The following JAKMIP1 variants were observed in gnomAD, a reference collection of about 807,000 sequenced individuals.
JAKMIP1 encodes janus kinase and microtubule-interacting protein 1.
In JAKMIP1, 33 loss-of-function variants were observed where a neutral mutation model predicts 113.0. The observed-to-expected ratio is 0.29, with a 90% CI of 0.22 to 0.39. The LOEUF is 0.39. Among genes scored for constraint, JAKMIP1 ranks in the 10% least tolerant of loss-of-function variants. The pLI is 1.00. For synonymous variants in JAKMIP1, 480 were observed against 459.9 expected (o/e 1.04, Z -0.56); for missense variants, 813 against 1,080.5 (o/e 0.75, Z 3.47).
chr4:6,183,478 C>CAATCAATAAATAAATAAATAAATA lies in JAKMIP1; in HGVS notation c.-148+16774_-148+16775insTATTTATTTATTTATTTATTGATT, dbSNP rs1553864667. 7.9e-6 allele frequency among the ~76,000 whole-genome samples: 1 copy of CAATCAATAAATAAATAAATAAATA among 126,672 alleles called. No individual in the cohort carries two copies. The highest frequency in any genetic ancestry group is 1.6e-5 in the Non-Finnish European group (1 of 60,864). 83.1% of individuals were successfully genotyped at this position (126,672 alleles called of 152,430 possible). A position where few individuals can be genotyped will look rare whatever the true frequency, so the allele number is the denominator to read the frequency against. ...TGGGTGACAGAGCAAGACTCTGTCTCAATAAATAAATAAATAAATAAATAA... is the reference window on the plus strand; with the variant it reads ...TGGGTGACAGAGCAAGACTCTGTCTCAATCAATAAATAAATAAATAAATAAATAAATAAATAAATAAATAAATAA... On this transcript the variant is annotated intron_variant, in intron 1 of 20. Transcript: ENST00000409021. The surrounding 1 kb of genome is among the most constrained non-coding windows in gnomAD (Gnocchi z 5.3).
intron 1 of JAKMIP1, among the ~76,000 whole-genome samples, chr4:6,149,868 C>T (rs898608186): frequency 2.0e-5 from 3 of 152,040 alleles, no homozygotes; most frequent in Non-Finnish European, 4.4e-5. Context: ...AGAAGGCTGC[C>T]CCAGTGACCT....
intron 1 of JAKMIP1, among the ~76,000 whole-genome samples, chr4:6,173,856 G>A (rs116589620): frequency 0.011 from 1,628 of 152,134 alleles, 33 homozygotes; most frequent in African/African-American, 0.035. Context: ...CGGGCGGATC[G>A]CTCGAGGCCA....
chr4:6,031,894 G>C lies in JAKMIP1; in HGVS notation c.2380-2113C>G, dbSNP rs536708031. Among the ~76,000 whole-genome samples the C allele has an allele frequency of 6.6e-6, 1 of 152,352 alleles. No individual in the cohort carries two copies. Among genetic ancestry groups the C allele is most frequent in the East Asian group, 1.9e-4 (1 of 5,186 alleles). ...GTACCAAGTGTTTAGAGCAGAGCTT[G>C]GCATTGAGCACTCCATATGTTATTT... On this transcript the variant is annotated intron_variant, in intron 19 of 20. Coordinates refer to ENST00000409021, the MANE Select transcript of JAKMIP1 (RefSeq NM_001099433.2). The surrounding 1 kb of genome is among the most constrained non-coding windows in gnomAD (Gnocchi z 4.4).
rs112076014 is a variant in JAKMIP1, at chr4:6,112,883, C to G, written c.-33G>C. 6.2e-7 allele frequency: 1 copy of G among 1,602,080 alleles called. No individual in the cohort carries two copies. Among genetic ancestry groups the G allele is most frequent in the Non-Finnish European group, 8.5e-7 (1 of 1,172,454 alleles). On this transcript the variant is annotated 5_prime_UTR_variant, in exon 2 of 21. Coordinates refer to ENST00000409021, the MANE Select transcript of JAKMIP1 (RefSeq NM_001099433.2). ...CTTGGGTCAGAGTGCTGAGATCCTGCGGTCCACACCTGTTCACGCACGCCA... is the reference window on the plus strand; with the variant it reads ...CTTGGGTCAGAGTGCTGAGATCCTGGGGTCCACACCTGTTCACGCACGCCA...
chr4:6,065,111 T>C lies in JAKMIP1; in HGVS notation c.1303-103A>G. The C allele has an allele frequency of 7.2e-7, 1 of 1,398,180 alleles. No individual in the cohort carries two copies. The highest frequency in any genetic ancestry group is 1.0e-6 in the Non-Finnish European group (1 of 999,696). 86.6% of individuals were successfully genotyped at this position (1,398,180 alleles called of 1,614,324 possible). A position where few individuals can be genotyped will look rare whatever the true frequency, so the allele number is the denominator to read the frequency against. On this transcript the variant is annotated intron_variant, in intron 8 of 20. Coordinates refer to ENST00000409021, the MANE Select transcript of JAKMIP1 (RefSeq NM_001099433.2). The surrounding 1 kb of genome is among the most constrained non-coding windows in gnomAD (Gnocchi z 5.1). Reference sequence around the variant, plus strand: ...CAGTGCAGGGGGGTGATGATTGACATTTGGGCCACTGGGGCATCACAAGAT... The same window carrying C: ...CAGTGCAGGGGGGTGATGATTGACACTTGGGCCACTGGGGCATCACAAGAT...
chr4:6,043,555 C>T (rs1156609401), intron 16 of JAKMIP1, among the ~76,000 whole-genome samples: 2 of 152,118 alleles, frequency 1.3e-5, no homozygotes, highest in Admixed American at 1.3e-4. Flanking sequence ...AGCCTCAAGG[C>T]ATCTCCAGGG....
chr4:6,110,239 T>C lies in JAKMIP1; in HGVS notation c.129+2483A>G, dbSNP rs556876721. Among the ~76,000 whole-genome samples, 39 of 152,228 alleles carry C rather than the reference T, an allele frequency of 2.6e-4. No homozygotes were observed. In the South Asian group the frequency reaches 8.1e-3, roughly 32 times the overall value. On this transcript the variant is annotated intron_variant, in intron 2 of 20. Transcript: ENST00000409021. ...CCTAATCCGATTTGCCTGGTGTCTT[T>C]GTAAGAACAGAAAATACAGACATGG... is the stretch of plus-strand genomic sequence containing the variant.
At chr4:6,107,333 T>C (rs772064408) in intron 2 of JAKMIP1, among the ~76,000 whole-genome samples, 4 of 152,188 alleles carry the variant, frequency 2.6e-5, no homozygotes, top group Non-Finnish European at 5.9e-5. Flanking sequence ...GAGATCCTAA[T>C]CTGCTTTGAT....
At chr4:6,034,096 G>A (rs555166688) in intron 19 of JAKMIP1, among the ~76,000 whole-genome samples, 45 of 152,124 alleles carry the variant, frequency 3.0e-4, no homozygotes, top group Admixed American at 9.2e-4. Context: ...GTGTTTTAGT[G>A]AGGCTCATTA....
intron 8 of JAKMIP1, chr4:6,070,019 A>G (rs1306268662): frequency 5.0e-6 from 2 of 398,596 alleles, no homozygotes; most frequent in Non-Finnish European, 8.8e-6. Context: ...GGACCGCCAG[A>G]GAACCTCAAA....
Position 6,050,694 on chromosome 4 carries a change from C to A in JAKMIP1, c.1807-15G>T, listed in dbSNP as rs759171820. The A allele has an allele frequency of 6.5e-7, 1 of 1,541,172 alleles. No homozygotes were observed. Among genetic ancestry groups the A allele is most frequent in the South Asian group, 1.2e-5 (1 of 83,830 alleles). On this transcript the variant is annotated splice_polypyrimidine_tract_variant and intron_variant, in intron 13 of 20. Coordinates refer to ENST00000409021, the MANE Select transcript of JAKMIP1 (RefSeq NM_001099433.2). This position sits in a 1 kb window ranked among gnomAD's most constrained non-coding sequence, Gnocchi z 7.4. ...CTCTCTCTCTCCTGGGGAAAAGATT[C>A]GGTTTAAAAACAGAATGTGACCGGA...
Position 6,061,027 on chromosome 4 carries a change from G to A in JAKMIP1, c.1561-520C>T, listed in dbSNP as rs893816702. Among the ~76,000 whole-genome samples the A allele has an allele frequency of 2.0e-5, 3 of 152,190 alleles. No homozygotes were observed. The highest frequency in any genetic ancestry group is 6.5e-5 in the Admixed American group (1 of 15,284). ...AAATAAGGGAAGTCAACTGGGTGTG[G>A]GGTAACAGGGAGTGGTGGGGACTGT... On this transcript the variant is annotated intron_variant, in intron 10 of 20. Coordinates refer to ENST00000409021, the MANE Select transcript of JAKMIP1 (RefSeq NM_001099433.2). The surrounding 1 kb of genome is among the most constrained non-coding windows in gnomAD (Gnocchi z 5.3).
In JAKMIP1 at chr4:6,093,863, A is replaced by G. The variant is rs963221277; in HGVS notation, c.625-8234T>C. On this transcript the variant is annotated intron_variant, in intron 3 of 20. Coordinates refer to ENST00000409021, the MANE Select transcript of JAKMIP1 (RefSeq NM_001099433.2). The surrounding 1 kb of genome is among the most constrained non-coding windows in gnomAD (Gnocchi z 4.6). Reference sequence around the variant, plus strand: ...CAGTGCCTCTGCCCACCACCACTCAATGTGTCTGGTCAACCTGTGTGCAGG... The same window carrying G: ...CAGTGCCTCTGCCCACCACCACTCAGTGTGTCTGGTCAACCTGTGTGCAGG... 6.6e-6 allele frequency among the ~76,000 whole-genome samples: 1 copy of G among 152,020 alleles called. No homozygotes were observed. The highest frequency in any genetic ancestry group is 1.5e-5 in the Non-Finnish European group (1 of 67,974).
At chr4:6,028,685 G>C (rs554766468) in intron 20 of JAKMIP1, among the ~76,000 whole-genome samples, 2 of 152,238 alleles carry the variant, frequency 1.3e-5, no homozygotes, top group African/African-American at 4.8e-5. Flanking sequence ...GCCCAGAGAT[G>C]CCCCTTCTAC....
chr4:6,075,123 C>A (rs775201954), intron 8 of JAKMIP1, among the ~76,000 whole-genome samples: 1 of 152,142 alleles, frequency 6.6e-6, no homozygotes, highest in Admixed American at 6.5e-5. Flanking sequence ...GAGCCAAGAG[C>A]GTGCCACTGC....
Position 6,081,173 on chromosome 4 carries a change from C to T in JAKMIP1, c.1101+436G>A, listed in dbSNP as rs1720485020. On this transcript the variant is annotated intron_variant, in intron 6 of 20. Transcript: ENST00000409021. This position sits in a 1 kb window ranked among gnomAD's most constrained non-coding sequence, Gnocchi z 4.6. ...GCCTGCCCTGACCACAAACACCAGG[C>T]ATCCTAGCTGGAGGAGAAACCCCTC... Among the ~76,000 whole-genome samples, 1 of 152,210 alleles carries T rather than the reference C, an allele frequency of 6.6e-6. No homozygotes were observed. Among genetic ancestry groups the T allele is most frequent in the South Asian group, 2.1e-4 (1 of 4,826 alleles).
In JAKMIP1 at chr4:6,108,301, T is replaced by C. The variant is rs917534676; in HGVS notation, c.130-2334A>G. On this transcript the variant is annotated intron_variant, in intron 2 of 20. Coordinates refer to ENST00000409021, the MANE Select transcript of JAKMIP1 (RefSeq NM_001099433.2). This position sits in a 1 kb window ranked among gnomAD's most constrained non-coding sequence, Gnocchi z 5.6. ...CCCTCCCACCACCACTCCATCCAGCTGAGCAGGCCAAAAAAAGCCGCCCAG... is the reference window on the plus strand; with the variant it reads ...CCCTCCCACCACCACTCCATCCAGCCGAGCAGGCCAAAAAAAGCCGCCCAG... 1.6e-4 allele frequency among the ~76,000 whole-genome samples: 25 copies of C among 152,050 alleles called. No individual in the cohort carries two copies. Among genetic ancestry groups the C allele is most frequent in the African/African-American group, 5.1e-4 (21 of 41,398 alleles).
At chr4:6,085,829 G>A (rs1721212231) in intron 3 of JAKMIP1, among the ~76,000 whole-genome samples, 200 bp from the exon 4 acceptor site, 3 of 152,222 alleles carry the variant, frequency 2.0e-5, no homozygotes, top group African/African-American at 4.8e-5. Context: ...CAAGACAGAG[G>A]AGACAGAGCT....
chr4:6,053,743 A>C, intron 13 of JAKMIP1: 1 of 1,206,992 alleles, frequency 8.3e-7, no homozygotes, highest in Non-Finnish European at 1.0e-6. Context: ...AACACAAATA[A>C]AAAAGGCAAA....
Sources: gnomAD v4.1 joint callset for allele counts (sites outside exome capture counted in the v4.1 genomes callset) on GRCh38, gnomAD v4.1.1 for gene constraint, Gnocchi (gnomAD v3.1) non-coding constraint, MANE v1.5 for transcripts, NCBI Gene and HGNC (gene_info 2026-07-23, HGNC 2026-07-21) for gene names.